The following ARID1B variants were observed in gnomAD, a reference collection of about 807,000 sequenced individuals.
The protein encoded by ARID1B is AT-rich interaction domain 1B.
In ARID1B, 30 loss-of-function variants were observed where a neutral mutation model predicts 212.3. The observed-to-expected ratio is 0.14, with a 90% CI of 0.11 to 0.19. The LOEUF (loss-of-function observed/expected upper bound fraction) is 0.19. ARID1B is among the 10% of genes least tolerant of loss of function. The pLI is 1.00. For synonymous variants in ARID1B, 1,402 were observed against 1,301.7 expected, an observed-to-expected ratio of 1.08 and a Z score of -1.66; for missense variants, 2,891 against 3,204.0, an observed-to-expected ratio of 0.90 and a Z score of 2.36.
Position 157,201,597 on chromosome 6 carries a change from G to A in ARID1B, c.5263+109G>A. On this transcript the variant is annotated intron_variant, in intron 18 of 19. Coordinates refer to ENST00000636930, the MANE Select transcript of ARID1B (RefSeq NM_001374828.1). The surrounding 1 kb of genome is among the most constrained non-coding windows in gnomAD (Gnocchi z 5.2). ...CATCTTAAAGGGATGAAAAAATTAT[G>A]ACTAGAAGTTATCAAGATGCGTTTT... is the stretch of plus-strand genomic sequence containing the variant. 7.9e-7 allele frequency: 1 copy of A among 1,271,338 alleles called. No individual in the cohort carries two copies. Among genetic ancestry groups the A allele is most frequent in the Non-Finnish European group, 1.1e-6 (1 of 950,752 alleles). 78.8% of individuals were successfully genotyped at this position (1,271,338 alleles called of 1,614,324 possible).
chr6:157,205,332 C>T (rs1209354839), intron 19 of ARID1B: 6 of 152,190 alleles, frequency 3.9e-5, no homozygotes, highest in African/African-American at 1.2e-4. Flanking sequence ...TTGTTAGAAT[C>T]CTTGTTACTT....
intron 5 of ARID1B, among the ~76,000 whole-genome samples, chr6:157,085,148 A>G (rs886803060): frequency 1.3e-5 from 2 of 152,194 alleles, no homozygotes; most frequent in East Asian, 1.9e-4. Flanking sequence ...ATTTACCTTA[A>G]CTTATGCCAG....
intron 5 of ARID1B, among the ~76,000 whole-genome samples, chr6:157,107,239 G>T (rs1583317385): frequency 6.6e-6 from 1 of 152,132 alleles, no homozygotes. Flanking sequence ...AGCTGGAGGA[G>T]GCTAAGGGAA....
rs1793934537 is a variant in ARID1B, at chr6:156,955,895, A to T, written c.2247+20319A>T. Among the ~76,000 whole-genome samples the T allele has an allele frequency of 6.6e-6, 1 of 152,142 alleles. No individual in the cohort carries two copies. The highest frequency in any genetic ancestry group is 2.1e-4 in the South Asian group (1 of 4,828). ...CCTATCCTGTTAGGAAGGTTACTGG[A>T]GGCCGCTGGTGGTGGAAGCCGCGCC... is the stretch of plus-strand genomic sequence containing the variant. On this transcript the variant is annotated intron_variant, in intron 4 of 19. Coordinates refer to ENST00000636930, the MANE Select transcript of ARID1B (RefSeq NM_001374828.1). This position sits in a 1 kb window ranked among gnomAD's most constrained non-coding sequence, Gnocchi z 4.2.
At chr6:157,049,700 G>C (rs1030329388) in intron 4 of ARID1B, among the ~76,000 whole-genome samples, 1 of 152,074 alleles carries the variant, frequency 6.6e-6, no homozygotes, top group Non-Finnish European at 1.5e-5. Flanking sequence ...ATGAGAATTG[G>C]ATATAGGCTT....
chr6:156,800,438 A>G (rs1271134686), intron 1 of ARID1B, among the ~76,000 whole-genome samples: 1 of 152,046 alleles, frequency 6.6e-6, no homozygotes, highest in East Asian at 1.9e-4. Context: ...AAAATGCAAA[A>G]ATTAGCCAGG....
chr6:156,898,886 G>A (rs142638300), intron 2 of ARID1B, among the ~76,000 whole-genome samples: 59 of 152,234 alleles, frequency 3.9e-4, no homozygotes, highest in African/African-American at 1.2e-3. Flanking sequence ...CAGGAGAATC[G>A]TTTGAACCCA....
intron 2 of ARID1B, among the ~76,000 whole-genome samples, chr6:156,892,954 A>G (rs1427392880): frequency 6.6e-6 from 1 of 152,138 alleles, no homozygotes; most frequent in African/African-American, 2.4e-5. Context: ...GCCTTAGACT[A>G]TATATAACAA....
chr6:156,833,474 A>G (rs1036310636), intron 2 of ARID1B, among the ~76,000 whole-genome samples: 4 of 152,108 alleles, frequency 2.6e-5, no homozygotes, highest in African/African-American at 9.7e-5. Context: ...AATTGGGTTG[A>G]TATTTTAACT....
At chr6:156,985,167 A>G (rs1383752003) in intron 4 of ARID1B, 1 of 152,242 alleles carries the variant, frequency 6.6e-6, no homozygotes, top group Non-Finnish European at 1.5e-5. Flanking sequence ...CTACATTTTT[A>G]TTGACAGCAA....
intron 3 of ARID1B, among the ~76,000 whole-genome samples, chr6:156,934,916 A>T (rs1306113679): frequency 2.0e-4 from 3 of 15,300 alleles, no homozygotes; most frequent in Admixed American, 5.1e-4. Context: ...TGTTAATTAT[A>T]TATATATATA....
At chr6:157,114,217 A>G (rs1179776811) in intron 6 of ARID1B, among the ~76,000 whole-genome samples, 1 of 152,160 alleles carries the variant, frequency 6.6e-6, no homozygotes, top group Non-Finnish European at 1.5e-5. Context: ...GTGAGTTAGT[A>G]TCTTTTTTTA....
chr6:156,833,578 G>A (rs150899640), intron 2 of ARID1B, among the ~76,000 whole-genome samples: 3 of 152,270 alleles, frequency 2.0e-5, no homozygotes, highest in Non-Finnish European at 2.9e-5. Flanking sequence ...GTTCATGAGT[G>A]CTTTTATGAT....
chr6:157,206,058 A>G lies in ARID1B; in HGVS notation c.5395-109A>G. The G allele has an allele frequency of 4.1e-6, 5 of 1,215,896 alleles. No individual in the cohort carries two copies. In the South Asian group the frequency reaches 4.4e-5, roughly 11 times the overall value. The allele number at this position is 1,215,896 out of a possible 1,614,324, so 75.3% of individuals were successfully genotyped here. A position where few individuals can be genotyped will look rare whatever the true frequency, so the allele number is the denominator to read the frequency against. Reference sequence around the variant, plus strand: ...CCAAAAAGGGAGACAAACGTGTGACAATGATGGAAAGGTATTGACGGGTCT... The same window carrying G: ...CCAAAAAGGGAGACAAACGTGTGACGATGATGGAAAGGTATTGACGGGTCT... On this transcript the variant is annotated intron_variant, in intron 19 of 19. Coordinates refer to ENST00000636930, the MANE Select transcript of ARID1B (RefSeq NM_001374828.1). This position sits in a 1 kb window ranked among gnomAD's most constrained non-coding sequence, Gnocchi z 6.8.
rs186096269 is a variant in ARID1B at position 156,947,047 on chromosome 6, A to C, written c.2247+11471A>C. Among the ~76,000 whole-genome samples the C allele has an allele frequency of 5.9e-5, 9 of 152,360 alleles. No homozygotes were observed. In the East Asian group the frequency reaches 1.7e-3, roughly 29 times the overall value. ...GAGATGATTTGAAGGGTATTGTAGC[A>C]GACTGTGTATAAACAACTCCACACA... On this transcript the variant is annotated intron_variant, in intron 4 of 19. Coordinates refer to ENST00000636930, the MANE Select transcript of ARID1B (RefSeq NM_001374828.1).
chr6:156,958,655 T>C (rs1794138149), intron 4 of ARID1B, among the ~76,000 whole-genome samples: 2 of 152,248 alleles, frequency 1.3e-5, no homozygotes, highest in South Asian at 2.1e-4. Context: ...AGTATTTCTT[T>C]TGAATAATCA....
chr6:156,791,702 C>A (rs1315207696), intron 1 of ARID1B, among the ~76,000 whole-genome samples: 2 of 152,164 alleles, frequency 1.3e-5, no homozygotes, highest in South Asian at 4.1e-4. Context: ...TCAGCGTGTA[C>A]AGGCAGGCAA....
At chr6:157,186,537 G>A (rs1450139826) in intron 13 of ARID1B, 1 of 471,012 alleles carries the variant, frequency 2.1e-6, no homozygotes, top group African/African-American at 2.0e-5. Context: ...ACAGCAGGTG[G>A]CCTCTCCGAT....
intron 4 of ARID1B, among the ~76,000 whole-genome samples, chr6:157,073,991 A>T (rs907467238): frequency 6.6e-6 from 1 of 152,188 alleles, no homozygotes; most frequent in African/African-American, 2.4e-5. Flanking sequence ...AAGTCCTCCG[A>T]GTGAGTGAAA....
Sources: allele counts gnomAD v4.1 joint callset (sites outside exome capture counted in the v4.1 genomes callset), GRCh38; gene constraint gnomAD v4.1.1; non-coding constraint Gnocchi (gnomAD v3.1); transcripts MANE v1.5; gene names NCBI Gene and HGNC (gene_info 2026-07-23, HGNC 2026-07-21).